The following ESRRG variants were observed in gnomAD, a reference collection of about 807,000 sequenced individuals.
ESRRG encodes estrogen related receptor gamma.
Under a neutral mutation model 44.0 loss-of-function variants are expected in ESRRG, and 13 were observed. That is an observed-to-expected ratio of 0.30 (90% confidence interval 0.19 to 0.47). The LOEUF is 0.47. ESRRG is among the 20% of genes least tolerant of loss of function. The pLI, the probability that ESRRG is intolerant of heterozygous loss-of-function variation, is 1.00. For synonymous variants in ESRRG, 215 were observed against 214.6 expected (o/e 1.00, Z -0.02); for missense variants, 395 against 580.6 (o/e 0.68, Z 3.29).
intron 5 of ESRRG, among the ~76,000 whole-genome samples, chr1:216,547,899 T>C (rs2055048256): frequency 6.6e-6 from 1 of 152,042 alleles, no homozygotes; most frequent in South Asian, 2.1e-4. Context: ...GTAAATTGGT[T>C]AGAGAGAGCA....
At chr1:216,680,185 T>A (rs181354517) in intron 1 of ESRRG, among the ~76,000 whole-genome samples, 1 of 152,304 alleles carries the variant, frequency 6.6e-6, no homozygotes, top group East Asian at 1.9e-4. Context: ...AAAGTCAGAA[T>A]TGCCATTTAT....
chr1:217,069,218 A>G (rs879349949), intron 1 of ESRRG, among the ~76,000 whole-genome samples: 50 of 152,284 alleles, frequency 3.3e-4, no homozygotes, highest in South Asian at 8.3e-4. Flanking sequence ...CTCCCAGTCT[A>G]CATCTTTCTT....
intron 3 of ESRRG, among the ~76,000 whole-genome samples, chr1:216,616,425 C>T (rs1015470822): frequency 6.6e-5 from 10 of 152,162 alleles, no homozygotes; most frequent in Non-Finnish European, 1.3e-4. Context: ...AAAAAACAAG[C>T]GTGTCTGATT....
intron 1 of ESRRG, among the ~76,000 whole-genome samples, chr1:216,688,565 T>C (rs987389892): frequency 6.6e-6 from 1 of 152,064 alleles, no homozygotes; most frequent in Non-Finnish European, 1.5e-5. Context: ...GAGTGAGAAA[T>C]TGAATATTAC....
intron 2 of ESRRG, among the ~76,000 whole-genome samples, chr1:216,775,089 G>A (rs550763677): frequency 8.1e-4 from 123 of 152,000 alleles, no homozygotes; most frequent in African/African-American, 2.9e-3. Context: ...GATTATAGGC[G>A]TGAGCCACCG....
chr1:216,598,618 A>T (rs1234100276), intron 3 of ESRRG, among the ~76,000 whole-genome samples: 1 of 152,060 alleles, frequency 6.6e-6, no homozygotes, highest in African/African-American at 2.4e-5. Context: ...TTTTCTTGGG[A>T]AGGGTATTTT....
At chr1:216,888,988 T>C (rs918341988) in intron 2 of ESRRG, among the ~76,000 whole-genome samples, 2 of 152,162 alleles carry the variant, frequency 1.3e-5, no homozygotes, top group Non-Finnish European at 2.9e-5. Context: ...AAGCTCATCC[T>C]TGCATCCCAA....
intron 1 of ESRRG, among the ~76,000 whole-genome samples, chr1:217,103,479 C>T (rs2092547575): frequency 6.9e-6 from 1 of 145,246 alleles, no homozygotes; most frequent in African/African-American, 2.5e-5. Flanking sequence ...TACCTCATCT[C>T]TACAAAAAAA....
chr1:216,766,697 T>C (rs527490084), intron 2 of ESRRG, among the ~76,000 whole-genome samples: 2 of 152,242 alleles, frequency 1.3e-5, no homozygotes, highest in African/African-American at 4.8e-5. Context: ...AAGATGTCCT[T>C]AATTTTTATC....
At position 216,915,679 on chromosome 1, in the gene ESRRG, G is replaced by T. The variant is rs531959369; in HGVS notation, c.-14+23903C>A. 3.3e-5 allele frequency among the ~76,000 whole-genome samples: 5 copies of T among 152,326 alleles called. No homozygotes were observed. The South Asian group carries it at 1.0e-3, about 32-fold the overall frequency. ...TAGCAGATGCACAGGATGCAAGGCT[G>T]CATCTACTGAAGACAGTCTCCCGAG... is the stretch of plus-strand genomic sequence containing the variant. On this transcript the variant is annotated intron_variant, in intron 2 of 7. Coordinates refer to the ESRRG transcript ENST00000359162.
intron 2 of ESRRG, among the ~76,000 whole-genome samples, chr1:216,846,185 C>T (rs1014423243): frequency 6.6e-6 from 1 of 152,100 alleles, no homozygotes; most frequent in African/African-American, 2.4e-5. Flanking sequence ...ATATCGTACA[C>T]TATATTTAGT....
At chr1:217,126,872 C>T (rs2092898148) in intron 1 of ESRRG, among the ~76,000 whole-genome samples, 1 of 152,188 alleles carries the variant, frequency 6.6e-6, no homozygotes, top group Admixed American at 6.5e-5. Context: ...AACTGCATTG[C>T]ATGAATACTT....
At chr1:216,769,905 G>A (rs559068066) in intron 2 of ESRRG, among the ~76,000 whole-genome samples, 2 of 152,042 alleles carry the variant, frequency 1.3e-5, no homozygotes, top group Non-Finnish European at 2.9e-5. Flanking sequence ...CAGAGATGGT[G>A]GGTAGACAAT....
Position 216,840,589 on chromosome 1 carries a change from C to T in ESRRG, c.-14+98993G>A, listed in dbSNP as rs1048325454. Among the ~76,000 whole-genome samples, 11 of 152,292 alleles carry T rather than the reference C, an allele frequency of 7.2e-5. No individual in the cohort carries two copies. In the South Asian group the frequency reaches 8.3e-4, roughly 11 times the overall value. ...CTAGCTTTTGGCCTGTCTCAGCTTTCGACATGCCTTCCTCTGTAAGCTAAA... is the reference window on the plus strand; with the variant it reads ...CTAGCTTTTGGCCTGTCTCAGCTTTTGACATGCCTTCCTCTGTAAGCTAAA... On this transcript the variant is annotated intron_variant, in intron 2 of 7. Coordinates refer to the ESRRG transcript ENST00000359162.
Position 216,844,239 on chromosome 1 carries a change from T to C in ESRRG, c.-14+95343A>G, listed in dbSNP as rs541279510. 3.9e-5 allele frequency among the ~76,000 whole-genome samples: 6 copies of C among 152,098 alleles called. No homozygotes were observed. The East Asian group carries it at 7.8e-4, about 20-fold the overall frequency. On this transcript the variant is annotated intron_variant, in intron 2 of 7. Coordinates refer to the ESRRG transcript ENST00000359162. ...CCTAAACCTTTCACTCTTTCTGAGG[T>C]TGGTTAAAGTAAAAGTTCTGATTAA...
At chr1:216,909,465 T>C (rs1304667411) in intron 2 of ESRRG, among the ~76,000 whole-genome samples, 1 of 152,192 alleles carries the variant, frequency 6.6e-6, no homozygotes, top group Non-Finnish European at 1.5e-5. Flanking sequence ...TCCTTGAGGA[T>C]AAAAGCCTTA....
intron 2 of ESRRG, among the ~76,000 whole-genome samples, chr1:216,762,105 C>G (rs1228374986): frequency 6.6e-6 from 1 of 152,024 alleles, no homozygotes; most frequent in Admixed American, 6.6e-5. Flanking sequence ...CAAAATGAAG[C>G]TTGGAGGGCT....
intron 3 of ESRRG, among the ~76,000 whole-genome samples, chr1:216,569,069 A>G: frequency 7.8e-6 from 1 of 128,346 alleles, no homozygotes; most frequent in African/African-American, 2.9e-5. Context: ...AGAAAGAGAG[A>G]AAGACAGAGA....
chr1:216,532,601 G>T (rs982294902), intron 5 of ESRRG, among the ~76,000 whole-genome samples: 1 of 152,150 alleles, frequency 6.6e-6, no homozygotes, highest in African/African-American at 2.4e-5. Flanking sequence ...TGTTTTACAG[G>T]CAGTGACACT....
Sources: allele counts gnomAD v4.1 joint callset (sites outside exome capture counted in the v4.1 genomes callset), GRCh38; gene constraint gnomAD v4.1.1; transcripts MANE v1.5; gene names NCBI Gene and HGNC (gene_info 2026-07-23, HGNC 2026-07-21).